The following SLC6A2 variants were observed in gnomAD, a reference collection of about 807,000 sequenced individuals.
The protein encoded by SLC6A2 is solute carrier family 6 member 2, also known as sodium-dependent noradrenaline transporter.
Under a neutral mutation model 71.7 loss-of-function variants are expected in SLC6A2, and 26 were observed. The observed-to-expected ratio is 0.36, with a 90% CI of 0.27 to 0.50. The LOEUF (loss-of-function observed/expected upper bound fraction) is 0.50. Among genes scored for constraint, SLC6A2 ranks in the 20% least tolerant of loss-of-function variants. SLC6A2 has a pLI of 0.96. For missense variants in SLC6A2, 581 were observed against 803.9 expected (o/e 0.72, Z 3.35); for synonymous variants, 363 against 337.9 (o/e 1.07, Z -0.82).
chr16:55,700,455 C>A, intron 13 of SLC6A2, 149 bp downstream of exon 13: 1 of 658,422 alleles, frequency 1.5e-6, no homozygotes, highest in East Asian at 2.7e-5. Context: ...AGGTTATTTT[C>A]CCCCATGAGC....
chr16:55,657,071 CA>C (rs1964474739), intron 2 of SLC6A2, 103 bp downstream of exon 2: 2 of 1,329,424 alleles, frequency 1.5e-6, no homozygotes, highest in South Asian at 1.3e-5. Flanking sequence ...GGCGAGGAGA[CA>C]GGGGCAAATC....
At chr16:55,662,082 T>C (rs1311391206) in intron 2 of SLC6A2, among the ~76,000 whole-genome samples, 1 of 152,200 alleles carries the variant, frequency 6.6e-6, no homozygotes, top group East Asian at 1.9e-4. Flanking sequence ...AGTCTGTACA[T>C]CCCTTGGCAG....
intron 5 of SLC6A2, among the ~76,000 whole-genome samples, chr16:55,690,709 A>G (rs1427886422): frequency 6.6e-6 from 1 of 152,138 alleles, no homozygotes; most frequent in African/African-American, 2.4e-5. Flanking sequence ...TCATCTGGGG[A>G]GCTTTAAAAA....
intron 4 of SLC6A2, 30 bp downstream of exon 4, chr16:55,672,205 G>A (rs541119215): frequency 6.2e-7 from 1 of 1,614,196 alleles, no homozygotes; most frequent in South Asian, 1.1e-5. Context: ...TGCTGGGCCT[G>A]TTGAGGCCAG....
intron 10 of SLC6A2, 60 bp downstream of exon 10, chr16:55,698,085 T>C (rs1405201026): frequency 5.9e-5 from 93 of 1,567,072 alleles, no homozygotes; most frequent in Non-Finnish European, 8.0e-5. Flanking sequence ...TTCAATAAAG[T>C]CAAACATTCC....
Position 55,685,354 on chromosome 16 carries a change from A to C in SLC6A2, c.783+73A>C, listed in dbSNP as rs75460455. On this transcript the variant is annotated intron_variant, in intron 5 of 14. Coordinates refer to ENST00000568943, the MANE Select transcript of SLC6A2 (RefSeq NM_001172501.3). ...GGGGGTGTGATTATTTCTAGCAATA[A>C]TTATGTAGCTGGTGGACAAAAAAGA... is the stretch of plus-strand genomic sequence containing the variant. 1.1e-3 allele frequency: 1,631 copies of C among 1,490,000 alleles called. 19 individuals are homozygous for C. In the African/African-American group the frequency reaches 0.02, roughly 18 times the overall value. 92.3% of individuals were successfully genotyped at this position (1,490,000 alleles called of 1,614,324 possible).
At position 55,669,660 on chromosome 16, in the gene SLC6A2, G is replaced by A. The variant is rs755629703; in HGVS notation, c.370G>A (p.Ala124Thr). Residue 124 changes from alanine (A) to threonine (T), a missense_variant, in exon 3 of 15, where the codon GCT becomes ACT. By Grantham distance (58) the Ala-to-Thr change is moderately conservative. Transcript: ENST00000568943. Reference protein sequence around the residue: ...LALGQYNREGAATVWKICPFF... With the variant: ...LALGQYNREGTATVWKICPFF... ...TCTGGGACAGTACAACCGGGAGGGGGCTGCCACCGTTTGGAAAATCTGCCC... is the reference window on the plus strand; with the variant it reads ...TCTGGGACAGTACAACCGGGAGGGGACTGCCACCGTTTGGAAAATCTGCCC... 1 of 1,613,992 alleles carries A rather than the reference G, an allele frequency of 6.2e-7. No individual in the cohort carries two copies.
chr16:55,676,400 T>G (rs9927328), intron 4 of SLC6A2, among the ~76,000 whole-genome samples: 1,757 of 152,306 alleles, frequency 0.012, 41 homozygotes, highest in African/African-American at 0.04. Flanking sequence ...ATCACACTCT[T>G]GGGGAGGCTT....
At chr16:55,692,229 A>G (rs977589689) in intron 6 of SLC6A2, among the ~76,000 whole-genome samples, 177 bp downstream of exon 6, 1 of 152,174 alleles carries the variant, frequency 6.6e-6, no homozygotes, top group African/African-American at 2.4e-5. Flanking sequence ...TTTGCACCTG[A>G]CAGTCTCCAT....
At position 55,657,296 on chromosome 16, in the gene SLC6A2, G is replaced by A. The variant is rs111833027; in HGVS notation, c.274+328G>A. Among the ~76,000 whole-genome samples the A allele has an allele frequency of 7.6e-4, 116 of 152,224 alleles. 2 individuals are homozygous for A. The highest frequency in any genetic ancestry group is 2.7e-3 in the African/African-American group (113 of 41,538). On this transcript the variant is annotated intron_variant, in intron 2 of 14. Transcript: ENST00000568943. ...GTATGGATGGAAAGGACAGAATCTG[G>A]GGTGCCAGGTTGGGTGGGGGAGCCT...
intron 8 of SLC6A2, among the ~76,000 whole-genome samples, chr16:55,695,619 A>C (rs1408834455): frequency 6.6e-6 from 1 of 152,218 alleles, no homozygotes; most frequent in East Asian, 1.9e-4. Flanking sequence ...CCTCTGAGTC[A>C]GGGTGGAAGG....
At chr16:55,659,710 G>A (rs532006046) in intron 2 of SLC6A2, among the ~76,000 whole-genome samples, 28 of 152,288 alleles carry the variant, frequency 1.8e-4, no homozygotes, top group African/African-American at 5.1e-4. Flanking sequence ...ACCTCCAACC[G>A]TATTCAGAAA....
At position 55,702,333 on chromosome 16, in the gene SLC6A2, G is replaced by A; in HGVS notation, c.1841G>A (p.Trp614Ter). 2 of 1,614,190 alleles carry A rather than the reference G, an allele frequency of 1.2e-6. No individual in the cohort carries two copies. The highest frequency in any genetic ancestry group is 1.7e-6 in the Non-Finnish European group (2 of 1,180,038). ...RDIRQFQLQHWLAI is the reference protein window; with the variant it reads ...RDIRQFQLQH ...TGTCTTTCTCTGCAGTTGCAACACT[G>A]GCTGGCCATCTGAGCCTGCCTGGAG... The change falls in exon 15 of 15, where the codon TGG becomes TAG. Residue 614 changes from tryptophan to a stop codon, truncating the protein, a stop_gained. Transcript: ENST00000568943. LOFTEE classifies it high-confidence loss of function.
chr16:55,685,416 G>C, intron 5 of SLC6A2, 135 bp downstream of exon 5: 1 of 911,698 alleles, frequency 1.1e-6, no homozygotes, highest in South Asian at 1.3e-5. Flanking sequence ...TCAAGCCCCT[G>C]TTCTGCCACT....
intron 14 of SLC6A2, 130 bp from the exon 15 acceptor site, chr16:55,702,193 G>A (rs922730512): frequency 5.3e-5 from 51 of 956,252 alleles, no homozygotes; most frequent in African/African-American, 3.5e-4. Context: ...CAACTTGCAC[G>A]TTCCCTGAGG....
chr16:55,671,722 G>A, intron 3 of SLC6A2: 3 of 936,188 alleles, frequency 3.2e-6, no homozygotes, highest in Non-Finnish European at 4.7e-6. Flanking sequence ...ACCTGAGGTG[G>A]AACGGTTTCA....
chr16:55,698,665 T>A, intron 11 of SLC6A2, 97 bp downstream of exon 11: 1 of 844,384 alleles, frequency 1.2e-6, no homozygotes, highest in Non-Finnish European at 2.0e-6. Flanking sequence ...GACAGCCACC[T>A]AAAATTCCAG....
intron 4 of SLC6A2, among the ~76,000 whole-genome samples, chr16:55,680,884 A>G (rs1454510102): frequency 6.6e-6 from 1 of 152,030 alleles, no homozygotes; most frequent in Non-Finnish European, 1.5e-5. Flanking sequence ...CTGGCCTGGG[A>G]GCTGCAGGGA....
intron 4 of SLC6A2, among the ~76,000 whole-genome samples, chr16:55,674,529 A>G (rs1288600025): frequency 6.6e-6 from 1 of 151,432 alleles, no homozygotes; most frequent in Non-Finnish European, 1.5e-5. Flanking sequence ...GGTTCAAGTG[A>G]TTCTCCTGCC....
Sources: allele counts gnomAD v4.1 joint callset (sites outside exome capture counted in the v4.1 genomes callset), GRCh38; gene constraint gnomAD v4.1.1; transcripts MANE v1.5; gene names NCBI Gene and HGNC (gene_info 2026-07-23, HGNC 2026-07-21).